Variants in SPACA7 observed in about 807,000 individuals in gnomAD.
SPACA7 encodes sperm acrosome associated 7.
A neutral mutation model predicts 26.3 loss-of-function variants in SPACA7; 19 were observed. The ratio of observed to expected loss-of-function variants is 0.72; its 90% CI spans 0.50 to 1.06. The LOEUF (loss-of-function observed/expected upper bound fraction) is 1.06. SPACA7 is among the 50% of genes least tolerant of loss of function. The pLI, the probability that SPACA7 is intolerant of heterozygous loss-of-function variation, is 0.00. For synonymous variants in SPACA7, 84 were observed against 84.5 expected (o/e 0.99, Z 0.04); for missense variants, 211 against 229.9 (o/e 0.92, Z 0.53).
intron 5 of SPACA7, among the ~76,000 whole-genome samples, chr13:112,417,687 T>G (rs1029126694): frequency 1.1e-4 from 17 of 152,184 alleles, no homozygotes; most frequent in Non-Finnish European, 2.2e-4. Context: ...TTCTCTGATC[T>G]ACCCAGGACC....
chr13:112,398,866 C>A (rs936001179), intron 3 of SPACA7, among the ~76,000 whole-genome samples, 200 bp from the exon 4 acceptor site: 12 of 152,188 alleles, frequency 7.9e-5, no homozygotes, highest in Non-Finnish European at 1.8e-4. Context: ...CTGCCAAGGT[C>A]CACACTGTTG....
intron 1 of SPACA7, among the ~76,000 whole-genome samples, chr13:112,385,459 TA>T (rs1389255585): frequency 6.6e-6 from 1 of 152,214 alleles, no homozygotes; most frequent in African/African-American, 2.4e-5. Context: ...AATTATGTAC[TA>T]GGGGTGCAGC....
chr13:112,434,553 C>T lies in SPACA7; in HGVS notation c.*4C>T, dbSNP rs777827656. On this transcript the variant is annotated 3_prime_UTR_variant, in exon 7 of 7. Coordinates refer to ENST00000283550, the MANE Select transcript of SPACA7 (RefSeq NM_145248.5). ...GAGGAGCCAAGGCAGTCAGTGAGGCCGCAGCCCCAGACCCCCTGCGCAGGA... is the reference window on the plus strand; with the variant it reads ...GAGGAGCCAAGGCAGTCAGTGAGGCTGCAGCCCCAGACCCCCTGCGCAGGA... The T allele has an allele frequency of 1.2e-5, 19 of 1,602,318 alleles. No homozygotes were observed. The highest frequency in any genetic ancestry group is 1.4e-5 in the Non-Finnish European group (16 of 1,175,122).
intron 5 of SPACA7, among the ~76,000 whole-genome samples, chr13:112,403,065 C>A (rs1354379729): frequency 6.6e-6 from 1 of 151,860 alleles, no homozygotes; most frequent in Admixed American, 6.6e-5. Context: ...GCATCAGAAG[C>A]ATTTTGTCTT....
At chr13:112,434,172 G>A (rs576134719) in intron 6 of SPACA7, among the ~76,000 whole-genome samples, 11 of 152,288 alleles carry the variant, frequency 7.2e-5, no homozygotes, top group South Asian at 2.1e-4. Flanking sequence ...ATCCACAGCC[G>A]GCCGCCATGA....
chr13:112,390,997 C>T (rs1566459987), intron 1 of SPACA7, among the ~76,000 whole-genome samples: 1 of 152,200 alleles, frequency 6.6e-6, no homozygotes. Context: ...ACTGTTTAAA[C>T]CACAAAAGGG....
chr13:112,398,538 C>T (rs1197034546), intron 3 of SPACA7, among the ~76,000 whole-genome samples: 1 of 152,180 alleles, frequency 6.6e-6, no homozygotes, highest in Non-Finnish European at 1.5e-5. Context: ...GGGCAGTTAT[C>T]ATCACCCCAT....
intron 6 of SPACA7, among the ~76,000 whole-genome samples, chr13:112,433,937 C>T (rs60765115): frequency 1.9e-3 from 283 of 145,966 alleles, no homozygotes; most frequent in African/African-American, 6.1e-3. Flanking sequence ...TCCCTGGGAC[C>T]TGACTGTTCT....
intron 5 of SPACA7, among the ~76,000 whole-genome samples, chr13:112,428,032 CTT>C (rs1876714965): frequency 6.6e-6 from 1 of 152,074 alleles, no homozygotes; most frequent in South Asian, 2.1e-4. Context: ...GATTTCTTCT[CTT>C]AACATTATTT....
At chr13:112,395,014 C>T (rs1885144724) in intron 2 of SPACA7, among the ~76,000 whole-genome samples, 1 of 152,244 alleles carries the variant, frequency 6.6e-6, no homozygotes, top group Admixed American at 6.5e-5. Context: ...GAAGCCCACC[C>T]AGGCAGGCCA....
At chr13:112,404,232 A>G (rs180748316) in intron 5 of SPACA7, among the ~76,000 whole-genome samples, 61 of 152,220 alleles carry the variant, frequency 4.0e-4, no homozygotes, top group Middle Eastern at 6.8e-3. Context: ...TCTTTTGAGA[A>G]TTGTCTATTC....
intron 5 of SPACA7, among the ~76,000 whole-genome samples, chr13:112,409,609 G>C (rs557964679): frequency 8.7e-4 from 132 of 152,234 alleles, no homozygotes; most frequent in Admixed American, 1.4e-3. Flanking sequence ...ACAAAAACAT[G>C]AAAAAATGCT....
At chr13:112,381,621 G>T (rs998984216) in intron 1 of SPACA7, among the ~76,000 whole-genome samples, 1 of 152,180 alleles carries the variant, frequency 6.6e-6, no homozygotes, top group Non-Finnish European at 1.5e-5. Flanking sequence ...TTCACGCAGA[G>T]CCAGCTGTGC....
chr13:112,432,186 CAG>C (rs1877215732), intron 5 of SPACA7, among the ~76,000 whole-genome samples: 1 of 152,164 alleles, frequency 6.6e-6, no homozygotes, highest in South Asian at 2.1e-4. Context: ...AGAGAAAACA[CAG>C]AGAAAGCACA....
intron 1 of SPACA7, among the ~76,000 whole-genome samples, chr13:112,389,304 G>A (rs980782370): frequency 6.6e-6 from 1 of 152,108 alleles, no homozygotes; most frequent in African/African-American, 2.4e-5. Flanking sequence ...TACAAAGGTG[G>A]CTTCACTATA....
intron 1 of SPACA7, among the ~76,000 whole-genome samples, chr13:112,383,600 C>T (rs1884347772): frequency 6.6e-6 from 1 of 152,090 alleles, no homozygotes; most frequent in African/African-American, 2.4e-5. Flanking sequence ...AGCTTAAATA[C>T]CTATGAGTTG....
At chr13:112,388,281 A>G (rs1393311829) in intron 1 of SPACA7, among the ~76,000 whole-genome samples, 2 of 152,192 alleles carry the variant, frequency 1.3e-5, no homozygotes, top group African/African-American at 4.8e-5. Context: ...CTCCCAAACC[A>G]GGAATCTTCC....
At chr13:112,383,375 G>A (rs1884331573) in intron 1 of SPACA7, among the ~76,000 whole-genome samples, 1 of 152,030 alleles carries the variant, frequency 6.6e-6, no homozygotes, top group Admixed American at 6.5e-5. Flanking sequence ...TCTCTCTCCA[G>A]TCCCTATTTT....
intron 2 of SPACA7, among the ~76,000 whole-genome samples, chr13:112,396,968 G>T (rs546538593): frequency 6.6e-6 from 1 of 152,264 alleles, no homozygotes; most frequent in African/African-American, 2.4e-5. Context: ...CAAATTCCTC[G>T]CAGAGCTGGT....
Sources: allele counts gnomAD v4.1 joint callset (sites outside exome capture counted in the v4.1 genomes callset), GRCh38; gene constraint gnomAD v4.1.1; transcripts MANE v1.5; gene names NCBI Gene and HGNC (gene_info 2026-07-23, HGNC 2026-07-21).